INPP4B: variants seen among roughly 807,000 people sequenced by gnomAD.
INPP4B encodes the protein inositol polyphosphate 4-phosphatase type II.
In INPP4B, 55 loss-of-function variants were observed where a neutral mutation model predicts 122.5. That is an observed-to-expected ratio of 0.45 (90% CI 0.36 to 0.56). The LOEUF is 0.56. Ranked by LOEUF, INPP4B falls within the 20% of genes least tolerant of loss-of-function variation. INPP4B has a pLI of 0.00. For synonymous variants in INPP4B, 403 were observed against 388.7 expected (o/e 1.04, Z -0.43); for missense variants, 1,000 against 1,097.7 (o/e 0.91, Z 1.26).
chr4:142,311,008 C>T lies in INPP4B; in HGVS notation c.423+3704G>A, dbSNP rs184833140. ...CTGTTTGAGAATGCAAAGAAACACACCTAACATATTTGAAAGATTATAATA... is the reference window on the plus strand; with the variant it reads ...CTGTTTGAGAATGCAAAGAAACACATCTAACATATTTGAAAGATTATAATA... On this transcript the variant is annotated intron_variant, in intron 8 of 25. Coordinates refer to ENST00000262992, the MANE Select transcript of INPP4B (RefSeq NM_001101669.3). Among the ~76,000 whole-genome samples the T allele has an allele frequency of 1.9e-3, 289 of 152,104 alleles. 1 individual carries two copies. Among genetic ancestry groups the T allele is most frequent in the African/African-American group, 6.4e-3 (265 of 41,466 alleles).
At chr4:142,061,533 T>C (rs116263281) in intron 25 of INPP4B, among the ~76,000 whole-genome samples, 18 of 152,158 alleles carry the variant, frequency 1.2e-4, no homozygotes, top group South Asian at 2.1e-4. Context: ...TAGTCTGACA[T>C]ATTTGGGAAC....
chr4:142,590,332 A>G (rs994917365), intron 2 of INPP4B, among the ~76,000 whole-genome samples: 1 of 152,222 alleles, frequency 6.6e-6, no homozygotes, highest in Admixed American at 6.5e-5. Flanking sequence ...ATATATTACA[A>G]ATGTATAAAA....
At chr4:142,583,116 G>A (rs561598979) in intron 2 of INPP4B, among the ~76,000 whole-genome samples, 2 of 152,078 alleles carry the variant, frequency 1.3e-5, no homozygotes, top group South Asian at 4.1e-4. Flanking sequence ...GAATAACATT[G>A]GATCTCTTAC....
At chr4:142,129,476 GAC>G (rs1449589094) in intron 18 of INPP4B, among the ~76,000 whole-genome samples, 1 of 152,190 alleles carries the variant, frequency 6.6e-6, no homozygotes, top group African/African-American at 2.4e-5. Context: ...TTCTTCTGCA[GAC>G]ACTTTATAGG....
chr4:142,540,010 G>C (rs1828749330), intron 2 of INPP4B, among the ~76,000 whole-genome samples: 3 of 151,910 alleles, frequency 2.0e-5, no homozygotes, highest in African/African-American at 7.2e-5. Context: ...CTCTTTTTCT[G>C]TCCTTTTTAA....
intron 15 of INPP4B, among the ~76,000 whole-genome samples, chr4:142,191,701 A>G (rs1835902094): frequency 6.6e-6 from 1 of 152,196 alleles, no homozygotes; most frequent in Admixed American, 6.5e-5. Flanking sequence ...TGTGGTGATG[A>G]AACAGTTCTA....
At chr4:142,782,822 G>C (rs528421411) in intron 1 of INPP4B, among the ~76,000 whole-genome samples, 1 of 152,130 alleles carries the variant, frequency 6.6e-6, no homozygotes, top group Admixed American at 6.5e-5. Context: ...CAGAGATATA[G>C]ATCAATGGAA....
intron 25 of INPP4B, among the ~76,000 whole-genome samples, chr4:142,033,623 C>G (rs988894482): frequency 6.6e-6 from 1 of 151,536 alleles, no homozygotes; most frequent in Non-Finnish European, 1.5e-5. Context: ...CAAGAAAGAG[C>G]ATGCCTTCAG....
intron 12 of INPP4B, among the ~76,000 whole-genome samples, chr4:142,234,274 A>C (rs953143826): frequency 2.0e-5 from 3 of 151,932 alleles, no homozygotes; most frequent in Non-Finnish European, 4.4e-5. Context: ...GGAAGAGCGT[A>C]TTGTGTTTGT....
intron 2 of INPP4B, chr4:142,654,368 A>T (rs943179693): frequency 1.7e-4 from 2 of 11,878 alleles, no homozygotes; most frequent in East Asian, 5.9e-3. Flanking sequence ...CTTAAAGTAT[A>T]AAAAAAAAAA....
intron 2 of INPP4B, among the ~76,000 whole-genome samples, chr4:142,599,096 A>G (rs1436209090): frequency 6.6e-6 from 1 of 152,142 alleles, no homozygotes; most frequent in Non-Finnish European, 1.5e-5. Flanking sequence ...TGCCAATACC[A>G]GTAAGTATGT....
intron 2 of INPP4B, among the ~76,000 whole-genome samples, chr4:142,722,600 C>A (rs916680623): frequency 2.0e-5 from 3 of 152,140 alleles, no homozygotes; most frequent in Admixed American, 6.5e-5. Flanking sequence ...TTAAAAACTA[C>A]CATAACAGCT....
chr4:142,521,669 T>C (rs1165160409), intron 2 of INPP4B, among the ~76,000 whole-genome samples: 1 of 152,078 alleles, frequency 6.6e-6, no homozygotes, highest in Non-Finnish European at 1.5e-5. Flanking sequence ...CTGAAATTGG[T>C]ATGTATTCTT....
intron 7 of INPP4B, among the ~76,000 whole-genome samples, chr4:142,363,200 G>A (rs1387825226): frequency 1.3e-5 from 2 of 151,872 alleles, no homozygotes; most frequent in African/African-American, 4.8e-5. Context: ...ACATATGTGT[G>A]CATACATGAC....
chr4:142,155,981 C>A (rs1475299810), intron 17 of INPP4B, among the ~76,000 whole-genome samples: 2 of 146,644 alleles, frequency 1.4e-5, no homozygotes, highest in South Asian at 2.1e-4. Flanking sequence ...AACATAAACA[C>A]ATTTAACATA....
At chr4:142,126,477 A>G (rs1798668181) in intron 18 of INPP4B, among the ~76,000 whole-genome samples, 1 of 152,172 alleles carries the variant, frequency 6.6e-6, no homozygotes, top group African/African-American at 2.4e-5. Flanking sequence ...CCCCAACATA[A>G]TAAAAAGATA....
intron 3 of INPP4B, among the ~76,000 whole-genome samples, chr4:142,446,827 A>G (rs1813011525): frequency 6.6e-6 from 1 of 152,168 alleles, no homozygotes; most frequent in Admixed American, 6.5e-5. Context: ...TTGGTTCTAT[A>G]GCTTGGTGCA....
intron 2 of INPP4B, among the ~76,000 whole-genome samples, chr4:142,623,198 C>T (rs1268235550): frequency 6.6e-6 from 1 of 151,950 alleles, no homozygotes; most frequent in Admixed American, 6.6e-5. Flanking sequence ...TCTGCATCTT[C>T]TCTACTCCTA....
chr4:142,039,298 T>C (rs1311388456), intron 25 of INPP4B, among the ~76,000 whole-genome samples: 1 of 152,352 alleles, frequency 6.6e-6, no homozygotes, highest in East Asian at 1.9e-4. Flanking sequence ...CTCAGTCTTA[T>C]CTATTTTCAA....
Sources: allele counts gnomAD v4.1 joint callset (sites outside exome capture counted in the v4.1 genomes callset), GRCh38; gene constraint gnomAD v4.1.1; transcripts MANE v1.5; gene names NCBI Gene and HGNC (gene_info 2026-07-23, HGNC 2026-07-21).